Variants in CTNNA3 observed in about 807,000 individuals in gnomAD.
The protein encoded by CTNNA3 is catenin alpha-3.
CTNNA3 carries 76 observed loss-of-function variants against 95.7 expected under a neutral mutation model. The observed-to-expected ratio is 0.79, with a 90% CI of 0.66 to 0.96. CTNNA3 has a LOEUF of 0.96. Ranked by LOEUF, CTNNA3 falls within the 40% of genes least tolerant of loss-of-function variation. The pLI, the probability that CTNNA3 is intolerant of heterozygous loss-of-function variation, is 0.00. For synonymous variants in CTNNA3, 431 were observed against 374.4 expected (o/e 1.15, Z -1.74); for missense variants, 1,191 against 1,089.8 (o/e 1.09, Z -1.31).
chr10:66,074,998 C>G (rs2080521720), intron 14 of CTNNA3, among the ~76,000 whole-genome samples: 1 of 151,768 alleles, frequency 6.6e-6, no homozygotes, highest in African/African-American at 2.4e-5. Context: ...TTTTCATTGT[C>G]AACCACATTT....
At chr10:66,985,835 C>A (rs1564813245) in intron 7 of CTNNA3, among the ~76,000 whole-genome samples, 1 of 152,110 alleles carries the variant, frequency 6.6e-6, no homozygotes, top group Non-Finnish European at 1.5e-5. Flanking sequence ...TCAAGCGATT[C>A]TCATGCCTCA....
At position 66,373,601 on chromosome 10, in the gene CTNNA3, T is replaced by TTAA. The variant is rs1554947930; in HGVS notation, c.1732+5550_1732+5551insTTA. ...TCTTGTTAATGCTCTCTAATTGTGTTAAAAAAAAAAAAGAGTTATATTAAC... is the reference window on the plus strand; with the variant it reads ...TCTTGTTAATGCTCTCTAATTGTGTTTAAAAAAAAAAAAAAGAGTTATATTAAC... On this transcript the variant is annotated intron_variant, in intron 12 of 17. Transcript: ENST00000433211. 3.4e-5 allele frequency among the ~76,000 whole-genome samples: 5 copies of TTAA among 148,404 alleles called. No homozygotes were observed. The East Asian group carries it at 9.9e-4, about 29-fold the overall frequency.
intron 5 of CTNNA3, among the ~76,000 whole-genome samples, chr10:67,288,872 G>A (rs1839711395): frequency 6.6e-6 from 1 of 152,138 alleles, no homozygotes; most frequent in Non-Finnish European, 1.5e-5. Flanking sequence ...GCCAGGGCAG[G>A]AGGATTGCAT....
At chr10:67,083,950 G>C (rs1857175694) in intron 7 of CTNNA3, among the ~76,000 whole-genome samples, 1 of 152,108 alleles carries the variant, frequency 6.6e-6, no homozygotes, top group Admixed American at 6.5e-5. Flanking sequence ...ATTAGGAAGG[G>C]AGAGGGACAC....
chr10:66,622,827 T>TAA lies in CTNNA3; in HGVS notation c.1282-1045_1282-1044dup, dbSNP rs145713090. Among the ~76,000 whole-genome samples, 99 of 152,306 alleles carry TAA rather than the reference T, an allele frequency of 6.5e-4. 2 individuals are homozygous for TAA. The East Asian group carries it at 0.018, about 28-fold the overall frequency. On this transcript the variant is annotated intron_variant, in intron 9 of 17. Transcript: ENST00000433211. ...AACATATGACTTTGGATCACTATTT[T>TAA]AAAAGTACCACAAAATGTTATTTAA...
intron 17 of CTNNA3, 61 bp downstream of exon 17, chr10:65,966,551 G>A (rs2077969516): frequency 7.0e-7 from 1 of 1,419,430 alleles, no homozygotes; most frequent in Non-Finnish European, 9.5e-7. Context: ...AAACAAGGGT[G>A]TAGTTACTCT....
At chr10:67,739,769 G>A (rs1841324417) in intron 1 of CTNNA3, among the ~76,000 whole-genome samples, 1 of 152,138 alleles carries the variant, frequency 6.6e-6, no homozygotes, top group Non-Finnish European at 1.5e-5. Context: ...TCCCCATCAA[G>A]CTGCCAATGA....
intron 1 of CTNNA3, among the ~76,000 whole-genome samples, chr10:67,726,530 ATAT>A (rs1270986657): frequency 3.6e-4 from 24 of 66,252 alleles, no homozygotes; most frequent in South Asian, 1.1e-3. Flanking sequence ...TATATTATAT[ATAT>A]TATTATATAT....
At chr10:67,243,182 A>G (rs1245327334) in intron 5 of CTNNA3, among the ~76,000 whole-genome samples, 1 of 151,960 alleles carries the variant, frequency 6.6e-6, no homozygotes, top group African/African-American at 2.4e-5. Context: ...CCCACTCCCC[A>G]TGTTTCTCTC....
intron 15 of CTNNA3, among the ~76,000 whole-genome samples, chr10:66,008,752 C>T (rs1457465118): frequency 6.6e-6 from 1 of 152,092 alleles, no homozygotes; most frequent in Non-Finnish European, 1.5e-5. Flanking sequence ...TAAAAACAAT[C>T]TCAAGATGCA....
chr10:67,622,306 G>A (rs1365123086), intron 2 of CTNNA3, among the ~76,000 whole-genome samples: 4 of 152,170 alleles, frequency 2.6e-5, no homozygotes, highest in African/African-American at 7.2e-5. Context: ...CAGTTTATAA[G>A]AGAACAATTA....
At chr10:66,170,241 C>CTTTTTTTT (rs57644952) in intron 13 of CTNNA3, among the ~76,000 whole-genome samples, 50 of 73,314 alleles carry the variant, frequency 6.8e-4, no homozygotes, top group South Asian at 1.1e-3. Context: ...TCCTCATTGT[C>CTTTTTTTT]TTTTTTTTTT....
intron 9 of CTNNA3, among the ~76,000 whole-genome samples, chr10:66,763,827 C>CTGTG: frequency 6.6e-6 from 1 of 152,134 alleles, no homozygotes; most frequent in East Asian, 1.9e-4. Context: ...CACAGCTAAG[C>CTGTG]CCCCAACTGA....
At chr10:66,171,901 C>T (rs2085452457) in intron 13 of CTNNA3, among the ~76,000 whole-genome samples, 1 of 152,130 alleles carries the variant, frequency 6.6e-6, no homozygotes, top group Non-Finnish European at 1.5e-5. Flanking sequence ...CAGCTGGAAA[C>T]ATTTTCATAT....
intron 15 of CTNNA3, among the ~76,000 whole-genome samples, chr10:66,032,332 T>C (rs1022037905): frequency 1.3e-5 from 2 of 152,186 alleles, no homozygotes; most frequent in African/African-American, 4.8e-5. Context: ...TTATGAATTA[T>C]GTAGAGGTAT....
intron 5 of CTNNA3, among the ~76,000 whole-genome samples, chr10:67,335,986 T>C (rs1399658086): frequency 6.6e-6 from 1 of 152,208 alleles, no homozygotes; most frequent in African/African-American, 2.4e-5. Context: ...TGTCACATTT[T>C]GGTAATTTCC....
chr10:67,697,104 A>T (rs572641389), upstream of CTNNA3, among the ~76,000 whole-genome samples: 1 of 152,348 alleles, frequency 6.6e-6, no homozygotes, highest in South Asian at 2.1e-4. Flanking sequence ...ACTGTCAGAG[A>T]ATCAACTATG....
At chr10:65,948,336 A>ACC (rs146538184) in intron 17 of CTNNA3, among the ~76,000 whole-genome samples, 58 of 150,168 alleles carry the variant, frequency 3.9e-4, no homozygotes, top group Non-Finnish European at 7.8e-4. Context: ...ATGCATGCAC[A>ACC]CCCCCCCCAA....
chr10:66,953,102 G>A (rs972933850), intron 7 of CTNNA3, among the ~76,000 whole-genome samples: 3 of 152,116 alleles, frequency 2.0e-5, no homozygotes, highest in Admixed American at 1.3e-4. Context: ...CCAAGTGGAA[G>A]TTTCTATTCA....
Sources: allele counts gnomAD v4.1 joint callset (sites outside exome capture counted in the v4.1 genomes callset), GRCh38; gene constraint gnomAD v4.1.1; transcripts MANE v1.5; gene names NCBI Gene and HGNC (gene_info 2026-07-23, HGNC 2026-07-21).